DAB2IP: variants seen among roughly 807,000 people sequenced by gnomAD.
DAB2IP encodes the protein disabled homolog 2-interacting protein.
In DAB2IP, 28 loss-of-function variants were observed where a neutral mutation model predicts 107.2. The ratio of observed to expected loss-of-function variants is 0.26; its 90% confidence interval spans 0.19 to 0.36. DAB2IP has a LOEUF of 0.36. DAB2IP is among the 10% of genes least tolerant of loss of function. DAB2IP has a pLI of 1.00. For synonymous variants in DAB2IP, 755 were observed against 706.4 expected (o/e 1.07, Z -1.09); for missense variants, 1,400 against 1,644.7 (o/e 0.85, Z 2.57).
intron 1 of DAB2IP, among the ~76,000 whole-genome samples, chr9:121,637,025 CTT>C (rs1832113663): frequency 6.6e-6 from 1 of 152,194 alleles, no homozygotes; most frequent in Admixed American, 6.5e-5. Context: ...CTTCTGGACA[CTT>C]TGTTTTGTAA....
intron 3 of DAB2IP, among the ~76,000 whole-genome samples, chr9:121,707,875 T>G (rs942892337): frequency 6.6e-6 from 1 of 152,204 alleles, no homozygotes; most frequent in African/African-American, 2.4e-5. Context: ...CCCCCTCTGC[T>G]TCTTACTCCC....
chr9:121,702,833 G>A lies in DAB2IP; in HGVS notation c.362+3375G>A, dbSNP rs1305450503. 6.6e-6 allele frequency among the ~76,000 whole-genome samples: 1 copy of A among 151,924 alleles called. No homozygotes were observed. On this transcript the variant is annotated intron_variant, in intron 3 of 15. Transcript: ENST00000408936. The surrounding 1 kb of genome is among the most constrained non-coding windows in gnomAD (Gnocchi z 4.5). ...CTTCTCTCTCCTGATGCTGTTTCTG[G>A]GTGACTCTAGCCCTCCACACCTGCT...
intron 3 of DAB2IP, chr9:121,742,844 A>G (rs1028391055): frequency 1.8e-5 from 18 of 985,332 alleles, no homozygotes; most frequent in Non-Finnish European, 1.9e-5. Flanking sequence ...CATCTGGAAG[A>G]TGAAGGAAAA....
At chr9:121,719,625 C>T (rs1411927439) in intron 3 of DAB2IP, among the ~76,000 whole-genome samples, 2 of 152,096 alleles carry the variant, frequency 1.3e-5, no homozygotes, top group Admixed American at 6.5e-5. Flanking sequence ...GGCCCAGACC[C>T]GTGTATGTGC....
At chr9:121,700,132 C>T (rs368178731) in intron 3 of DAB2IP, among the ~76,000 whole-genome samples, 1 of 152,228 alleles carries the variant, frequency 6.6e-6, no homozygotes, top group Non-Finnish European at 1.5e-5. Flanking sequence ...CACCTCTCCA[C>T]TCTCAGGGGT....
At chr9:121,757,298 G>GGC in intron 4 of DAB2IP, 132 bp downstream of exon 4, 1 of 1,218,154 alleles carries the variant, frequency 8.2e-7, no homozygotes, top group African/African-American at 1.5e-5. Flanking sequence ...ACAGTGGCTA[G>GGC]TAGTTACCGA....
intron 3 of DAB2IP, among the ~76,000 whole-genome samples, chr9:121,755,784 T>C (rs1833435482): frequency 6.6e-6 from 1 of 151,806 alleles, no homozygotes; most frequent in Non-Finnish European, 1.5e-5. Flanking sequence ...CAGAAATGAG[T>C]GTACAGGGTA....
chr9:121,726,746 A>G (rs1831256295), intron 3 of DAB2IP, among the ~76,000 whole-genome samples: 1 of 152,198 alleles, frequency 6.6e-6, no homozygotes, highest in South Asian at 2.1e-4. Flanking sequence ...TTGTGAGAGT[A>G]TAAAAGGAAA....
chr9:121,764,557 G>T (rs922470851), intron 8 of DAB2IP, among the ~76,000 whole-genome samples: 2 of 152,206 alleles, frequency 1.3e-5, no homozygotes, highest in East Asian at 3.9e-4. Flanking sequence ...GTATAGCCTC[G>T]TTCTGTGGTG....
intron 3 of DAB2IP, chr9:121,737,668 A>G (rs1476169289): frequency 1.0e-6 from 1 of 985,314 alleles, no homozygotes; most frequent in African/African-American, 1.7e-5. Context: ...GGGGGTTGCA[A>G]GTGCCCAGAA....
intron 3 of DAB2IP, among the ~76,000 whole-genome samples, chr9:121,707,034 G>T (rs1241931884): frequency 1.3e-5 from 2 of 152,190 alleles, no homozygotes; most frequent in Non-Finnish European, 2.9e-5. Context: ...TGCCCAAGGA[G>T]TAAGACCTCC....
At chr9:121,707,818 G>A (rs567527654) in intron 3 of DAB2IP, among the ~76,000 whole-genome samples, 8 of 152,324 alleles carry the variant, frequency 5.3e-5, no homozygotes, top group African/African-American at 1.9e-4. Flanking sequence ...AACAATTACT[G>A]TTTCTGGCTT....
At chr9:121,719,340 G>A (rs1830794698) in intron 3 of DAB2IP, among the ~76,000 whole-genome samples, 1 of 152,170 alleles carries the variant, frequency 6.6e-6, no homozygotes, top group Non-Finnish European at 1.5e-5. Context: ...AAGGAATCCG[G>A]GAGGACTTCA....
chr9:121,595,556 T>C (rs1418842665), intron 1 of DAB2IP, among the ~76,000 whole-genome samples: 5 of 150,638 alleles, frequency 3.3e-5, no homozygotes, highest in African/African-American at 1.2e-4. Flanking sequence ...TGAGTTATCA[T>C]TATGCTACTG....
chr9:121,709,269 G>A (rs551526899), intron 3 of DAB2IP, among the ~76,000 whole-genome samples: 2 of 152,226 alleles, frequency 1.3e-5, no homozygotes, highest in South Asian at 4.1e-4. Flanking sequence ...CCCTGGAGCT[G>A]CTGGAGAATG....
intron 1 of DAB2IP, among the ~76,000 whole-genome samples, chr9:121,581,120 T>C (rs1437061999): frequency 6.6e-6 from 1 of 152,086 alleles, no homozygotes; most frequent in Non-Finnish European, 1.5e-5. Context: ...CTTCCTGGAA[T>C]TGCTAAGACC....
chr9:121,645,203 T>A (rs554207034), intron 1 of DAB2IP, among the ~76,000 whole-genome samples: 2 of 152,208 alleles, frequency 1.3e-5, no homozygotes, highest in East Asian at 3.9e-4. Context: ...CTTGGCAGCG[T>A]TTCTGGGTCA....
At chr9:121,664,369 T>A (rs1833332153) in intron 1 of DAB2IP, among the ~76,000 whole-genome samples, 1 of 152,246 alleles carries the variant, frequency 6.6e-6, no homozygotes, top group Non-Finnish European at 1.5e-5. Context: ...TTTGTTTGGC[T>A]GTCTAGGTCC....
intron 10 of DAB2IP, among the ~76,000 whole-genome samples, chr9:121,768,861 G>A (rs1289122578): frequency 6.6e-6 from 1 of 152,238 alleles, no homozygotes; most frequent in East Asian, 1.9e-4. Flanking sequence ...TACTAGAGCT[G>A]GGGTGTTCCG....
Sources: allele counts gnomAD v4.1 joint callset (sites outside exome capture counted in the v4.1 genomes callset), GRCh38; gene constraint gnomAD v4.1.1; non-coding constraint Gnocchi (gnomAD v3.1); transcripts MANE v1.5; gene names NCBI Gene and HGNC (gene_info 2026-07-23, HGNC 2026-07-21).